The following ZNF583 variants were observed in gnomAD, a reference collection of about 807,000 sequenced individuals.
The protein encoded by ZNF583 is zinc finger protein L3-5.
Under a neutral mutation model 55.3 loss-of-function variants are expected in ZNF583, and 30 were observed. That is an observed-to-expected ratio of 0.54 (90% CI 0.41 to 0.74). The LOEUF is 0.74. Among genes scored for constraint, ZNF583 ranks in the 30% least tolerant of loss-of-function variants. The pLI is 0.00. For missense variants in ZNF583, 504 were observed against 664.7 expected (o/e 0.76, Z 2.66); for synonymous variants, 208 against 220.0 (o/e 0.95, Z 0.48).
chr19:56,410,568 G>A (rs1163379314), intron 2 of ZNF583, among the ~76,000 whole-genome samples: 1 of 152,208 alleles, frequency 6.6e-6, no homozygotes, highest in East Asian at 1.9e-4. Context: ...TGAGCGTGGT[G>A]GTGGGCCCCT....
rs2042492513 is a variant in ZNF583 at position 56,426,388 on chromosome 19, G to C, written c.*2020G>C. ...GAATGAGACTGGCCTTCCTAAACAT[G>C]AGATTCAGAAGCCTCCCCACCTCCT... On this transcript the variant is annotated 3_prime_UTR_variant, in exon 5 of 5. Coordinates refer to ENST00000333201, the MANE Select transcript of ZNF583 (RefSeq NM_152478.3). The C allele has an allele frequency of 6.6e-6, 1 of 152,116 alleles. No individual in the cohort carries two copies. The highest frequency in any genetic ancestry group is 1.5e-5 in the Non-Finnish European group (1 of 68,026). 9.4% of individuals were successfully genotyped at this position (152,116 alleles called of 1,614,324 possible). A position where few individuals can be genotyped will look rare whatever the true frequency, so the allele number is the denominator to read the frequency against.
At position 56,404,944 on chromosome 19, in the gene ZNF583, G is replaced by A. The variant is rs2042122059; in HGVS notation, c.-90+492G>A. ...ATGTCACTGTGTGTGTGACCTGTGTGTGTGGGATAATGTAAGACTGTGTGA... is the reference window on the plus strand; with the variant it reads ...ATGTCACTGTGTGTGTGACCTGTGTATGTGGGATAATGTAAGACTGTGTGA... On this transcript the variant is annotated intron_variant, in intron 1 of 4. Coordinates refer to ENST00000333201, the MANE Select transcript of ZNF583 (RefSeq NM_152478.3). The surrounding 1 kb of genome is among the most constrained non-coding windows in gnomAD (Gnocchi z 5.2). 1.3e-5 allele frequency among the ~76,000 whole-genome samples: 2 copies of A among 152,158 alleles called. No homozygotes were observed. The highest frequency in any genetic ancestry group is 4.1e-4 in the South Asian group (2 of 4,826).
At chr19:56,405,958 C>T (rs1259721447) in intron 1 of ZNF583, among the ~76,000 whole-genome samples, 3 of 152,196 alleles carry the variant, frequency 2.0e-5, no homozygotes, top group Admixed American at 2.0e-4. Context: ...GTTCTTACCA[C>T]TGAGTTATGC....
intron 2 of ZNF583, among the ~76,000 whole-genome samples, chr19:56,412,024 A>G (rs753053747): frequency 7.9e-5 from 12 of 152,236 alleles, no homozygotes; most frequent in Non-Finnish European, 1.6e-4. Context: ...AACAAGGCAA[A>G]GGCACACAGC....
chr19:56,408,746 T>TG (rs1568802743), intron 2 of ZNF583, among the ~76,000 whole-genome samples: 1 of 152,206 alleles, frequency 6.6e-6, no homozygotes, highest in Non-Finnish European at 1.5e-5. Flanking sequence ...GAGTCTGTGA[T>TG]GGGGCTCATT....
intron 4 of ZNF583, among the ~76,000 whole-genome samples, chr19:56,415,454 TC>T (rs2042306029): frequency 6.6e-6 from 1 of 152,200 alleles, no homozygotes; most frequent in African/African-American, 2.4e-5. Context: ...ATGAATGAGA[TC>T]ACTGGTCTTA....
intron 1 of ZNF583, 119 bp from the exon 2 acceptor site, chr19:56,406,907 C>T: frequency 1.8e-6 from 1 of 548,918 alleles, no homozygotes; most frequent in East Asian, 3.0e-5. Flanking sequence ...TCAGTGATAC[C>T]TCTAATTTAC....
intron 3 of ZNF583, 115 bp from the exon 4 acceptor site, chr19:56,414,230 C>T (rs1191180378): frequency 6.7e-7 from 1 of 1,490,780 alleles, no homozygotes; most frequent in East Asian, 2.3e-5. Context: ...GCAGCTTCAT[C>T]TTCCCCATTC....
At chr19:56,415,385 C>A (rs1489925383) in intron 4 of ZNF583, among the ~76,000 whole-genome samples, 3 of 151,982 alleles carry the variant, frequency 2.0e-5, no homozygotes, top group Non-Finnish European at 4.4e-5. Context: ...ATGCAACATG[C>A]AACTGGTTTA....
At chr19:56,409,806 G>C (rs771328148) in intron 2 of ZNF583, among the ~76,000 whole-genome samples, 6 of 152,056 alleles carry the variant, frequency 3.9e-5, no homozygotes, top group South Asian at 2.1e-4. Context: ...TAAAGCTACT[G>C]TGTTTCTGTT....
intron 1 of ZNF583, among the ~76,000 whole-genome samples, chr19:56,405,295 G>A (rs369349769): frequency 3.3e-5 from 5 of 152,274 alleles, no homozygotes; most frequent in South Asian, 2.1e-4. Context: ...ATGTCATCCC[G>A]ACAGTGAGTG....
In ZNF583 at chr19:56,423,948, T is replaced by C; in HGVS notation, c.1290T>C (p.His430=). 1 of 1,614,098 alleles carries C rather than the reference T, an allele frequency of 6.2e-7. No homozygotes were observed. The highest frequency in any genetic ancestry group is 8.5e-7 in the Non-Finnish European group (1 of 1,179,994). The change falls in exon 5 of 5, where the codon CAT becomes CAC. Residue 430 remains histidine (H), a synonymous_variant. Transcript: ENST00000333201. ...IAYLDQHQRV[H]TGEKPYECIE... is the part of the protein sequence containing the mutation. ...ACCTTGATCAACATCAGAGGGTTCA[T>C]ACTGGAGAGAAACCCTATGAATGTA...
chr19:56,413,745 A>G (rs1036397110), intron 2 of ZNF583, among the ~76,000 whole-genome samples: 2 of 152,260 alleles, frequency 1.3e-5, no homozygotes, highest in Non-Finnish European at 2.9e-5. Context: ...TATCTCTCAA[A>G]TTGTATACTT....
chr19:56,407,265 G>C (rs1159639050), intron 2 of ZNF583, 142 bp downstream of exon 2: 1 of 960,322 alleles, frequency 1.0e-6, no homozygotes, highest in East Asian at 2.6e-5. Flanking sequence ...TTGCTTTCCA[G>C]TAAAAGTCTC....
Position 56,426,201 on chromosome 19 carries a change from TATAAC to T in ZNF583, c.*1835_*1839del. 1 of 152,158 alleles carries T rather than the reference TATAAC, an allele frequency of 6.6e-6. No homozygotes were observed. Among genetic ancestry groups the T allele is most frequent in the Non-Finnish European group, 1.5e-5 (1 of 67,998 alleles). The allele number at this position is 152,158 out of a possible 1,614,324, so 9.4% of individuals were successfully genotyped here. The stretch of plus-strand genomic sequence containing the variant: ...ATGCTGTTACACATATAAAGAAAAT[TATAAC>T]AAAAGTGACCTATACCATCAGTGGT... On this transcript the variant is annotated 3_prime_UTR_variant, in exon 5 of 5. Transcript: ENST00000333201.
chr19:56,426,952 A>AAAG lies in ZNF583; in HGVS notation c.*2584_*2585insAAG, dbSNP rs2042495973. 6.6e-6 allele frequency: 1 copy of AAAG among 151,166 alleles called. No homozygotes were observed. Among genetic ancestry groups the AAAG allele is most frequent in the Non-Finnish European group, 1.5e-5 (1 of 67,744 alleles). 9.4% of individuals were successfully genotyped at this position (151,166 alleles called of 1,614,324 possible). On this transcript the variant is annotated 3_prime_UTR_variant, in exon 5 of 5. Transcript: ENST00000333201. ...TAAATGATTCTTAAAAAAAAAAAAA[A>AAAG]GGTGAGGCTTTTGAGTGGATGAAAT...
intron 2 of ZNF583, among the ~76,000 whole-genome samples, chr19:56,413,356 A>G (rs1338704693): frequency 6.6e-6 from 1 of 152,216 alleles, no homozygotes; most frequent in Non-Finnish European, 1.5e-5. Flanking sequence ...GCTCTCTGTT[A>G]TGGTATACAT....
chr19:56,414,043 A>C lies in ZNF583; in HGVS notation c.94A>C (p.Arg32=), dbSNP rs1160201311. The C allele has an allele frequency of 6.2e-7, 1 of 1,608,406 alleles. No individual in the cohort carries two copies. Among genetic ancestry groups the C allele is most frequent in the Non-Finnish European group, 8.5e-7 (1 of 1,177,866 alleles). Reference sequence around the variant, plus strand: ...GAACCCTGCTCAGAGGAATTTGTACAGGAAAGTGATGTTGGAGAACTACAG... The same window carrying C: ...GAACCCTGCTCAGAGGAATTTGTACCGGAAAGTGATGTTGGAGAACTACAG... ...WLNPAQRNLY[R]KVMLENYRSL... Residue 32 remains arginine, a synonymous_variant, in exon 3 of 5, where the codon AGG becomes CGG. Coordinates refer to ENST00000333201, the MANE Select transcript of ZNF583 (RefSeq NM_152478.3).
chr19:56,417,435 C>A (rs1269268019), intron 4 of ZNF583, among the ~76,000 whole-genome samples: 1 of 152,070 alleles, frequency 6.6e-6, no homozygotes, highest in African/African-American at 2.4e-5. Context: ...TAATGTTGAG[C>A]CTCTTTTCAT....
Sources: gnomAD v4.1 joint callset for allele counts (sites outside exome capture counted in the v4.1 genomes callset) on GRCh38, gnomAD v4.1.1 for gene constraint, Gnocchi (gnomAD v3.1) non-coding constraint, MANE v1.5 for transcripts, NCBI Gene and HGNC (gene_info 2026-07-23, HGNC 2026-07-21) for gene names.